Variants in TPGS2 observed in about 807,000 individuals in gnomAD.
TPGS2 encodes polyglutamylase subunit 2.
In TPGS2, 26 loss-of-function variants were observed where a neutral mutation model predicts 31.1. That is an observed-to-expected ratio of 0.84 (90% CI 0.61 to 1.16). TPGS2 has a LOEUF of 1.16. Ranked by LOEUF, TPGS2 falls within the 50% of genes most tolerant of loss-of-function variation. The pLI is 0.00. For missense variants in TPGS2, 351 were observed against 363.8 expected (o/e 0.96, Z 0.29); for synonymous variants, 130 against 136.6 (o/e 0.95, Z 0.34).
chr18:36,789,415 AT>A (rs1451513389), downstream of TPGS2: 1 of 152,198 alleles, frequency 6.6e-6, no homozygotes, highest in African/African-American at 2.4e-5. Flanking sequence ...TGATTACTGA[AT>A]ACTTGAAATG....
intron 2 of TPGS2, among the ~76,000 whole-genome samples, chr18:36,813,245 G>A (rs920562569): frequency 1.3e-5 from 2 of 152,212 alleles, no homozygotes; most frequent in East Asian, 3.9e-4. Context: ...CTGCGAGGAA[G>A]GAAAAGATCA....
At chr18:36,814,313 G>C (rs1369848381) in intron 2 of TPGS2, among the ~76,000 whole-genome samples, 1 of 152,216 alleles carries the variant, frequency 6.6e-6, no homozygotes, top group Non-Finnish European at 1.5e-5. Flanking sequence ...AAGGCAGGTA[G>C]CAGGCACAAT....
chr18:36,792,027 CAAA>C (rs754114446), downstream of TPGS2, among the ~76,000 whole-genome samples: 31 of 83,952 alleles, frequency 3.7e-4, no homozygotes, highest in African/African-American at 9.3e-4. Context: ...GACCCTGTCT[CAAA>C]AAAAAAAAAA....
In TPGS2 at chr18:36,828,744, CG is replaced by C. The variant is rs1314163771; in HGVS notation, c.23del (p.Pro8ArgfsTer13). On this transcript the variant is annotated frameshift_variant, in exon 1 of 7. Coordinates refer to ENST00000334295, the MANE Select transcript of TPGS2 (RefSeq NM_015476.4). LOFTEE classifies it high-confidence loss of function. Reference protein sequence around the residue: MEEEASSPGLGCSKPHLE... With the variant: MEEEASSXGLGCSKPHLE... Reference sequence around the variant, plus strand: ...GGTGCGGCTTGCTGCAGCCCAGCCCCGGGGACGATGCCTCCTCCTCCATGGC... The same window carrying C: ...GGTGCGGCTTGCTGCAGCCCAGCCCCGGGACGATGCCTCCTCCTCCATGGC... 1 of 1,613,860 alleles carries C rather than the reference CG, an allele frequency of 6.2e-7. No individual in the cohort carries two copies.
At chr18:36,810,121 C>T (rs1009432282) in intron 2 of TPGS2, among the ~76,000 whole-genome samples, 2 of 152,238 alleles carry the variant, frequency 1.3e-5, no homozygotes, top group South Asian at 2.1e-4. Context: ...AAACGACTAG[C>T]GGCCCTGACT....
chr18:36,793,663 T>G (rs551441110), downstream of TPGS2, among the ~76,000 whole-genome samples: 2 of 152,348 alleles, frequency 1.3e-5, no homozygotes, highest in South Asian at 2.1e-4. Flanking sequence ...GCATACAGTA[T>G]GTAAACATAA....
At chr18:36,814,320 C>A (rs2045560265) in intron 2 of TPGS2, among the ~76,000 whole-genome samples, 2 of 152,224 alleles carry the variant, frequency 1.3e-5, no homozygotes, top group Middle Eastern at 3.4e-3. Context: ...GTAGCAGGCA[C>A]AATGAACATG....
chr18:36,802,274 G>A (rs2044856783), intron 4 of TPGS2, among the ~76,000 whole-genome samples: 1 of 152,190 alleles, frequency 6.6e-6, no homozygotes. Flanking sequence ...ACTGAGGTCT[G>A]CCCTCAGTTG....
Position 36,803,044 on chromosome 18 carries a change from C to T in TPGS2, c.382+2330G>A, listed in dbSNP as rs559933446. Among the ~76,000 whole-genome samples, 15 of 152,068 alleles carry T rather than the reference C, an allele frequency of 9.9e-5. No individual in the cohort carries two copies. The East Asian group carries it at 1.9e-3, about 20-fold the overall frequency. ...ATTTATATATTGATGGAGAACAACACGCTATTTTAAGATGTATATGCATTG... is the reference window on the plus strand; with the variant it reads ...ATTTATATATTGATGGAGAACAACATGCTATTTTAAGATGTATATGCATTG... On this transcript the variant is annotated intron_variant, in intron 4 of 6. Transcript: ENST00000334295.
At chr18:36,802,502 A>G (rs2044873161) in intron 4 of TPGS2, among the ~76,000 whole-genome samples, 1 of 151,872 alleles carries the variant, frequency 6.6e-6, no homozygotes, top group Non-Finnish European at 1.5e-5. Context: ...TTTTTTTCAA[A>G]TCTACAATGT....
downstream of TPGS2, chr18:36,789,574 G>A (rs771707901): frequency 2.0e-5 from 3 of 152,086 alleles, no homozygotes; most frequent in Non-Finnish European, 4.4e-5. Context: ...ATTTAGTTTT[G>A]TATAAAATTG....
rs1309178140 is a variant in TPGS2, at chr18:36,800,299, T to G, written c.395A>C (p.Gln132Pro). 3 of 1,614,198 alleles carry G rather than the reference T, an allele frequency of 1.9e-6. No homozygotes were observed. In the South Asian group the frequency reaches 3.3e-5, roughly 18 times the overall value. Residue 132 changes from glutamine (Q) to proline (P), a missense_variant, in exon 5 of 7, where the codon CAG (glutamine) becomes CCG (proline). Physicochemically the swap from Gln to Pro is moderately conservative, Grantham distance 76 (BLOSUM62 -1). Transcript: ENST00000334295. ...AGAGTCAAAGTGAGGCTTCTCTGGC[T>G]GATCATCACTGGCTGCAAACCCAGA... ...EDDTHEASDD[Q>P]PEKPHFDSRS...
At chr18:36,812,948 T>G (rs994719679) in intron 2 of TPGS2, among the ~76,000 whole-genome samples, 4 of 152,002 alleles carry the variant, frequency 2.6e-5, no homozygotes, top group African/African-American at 9.7e-5. Context: ...TGTTGCGGAG[T>G]AACAGGAGAG....
intron 1 of TPGS2, among the ~76,000 whole-genome samples, chr18:36,822,560 A>G (rs2045941410): frequency 6.6e-6 from 1 of 152,188 alleles, no homozygotes; most frequent in Non-Finnish European, 1.5e-5. Flanking sequence ...TTTGTGAGTC[A>G]GGTTTAAATC....
downstream of TPGS2, among the ~76,000 whole-genome samples, chr18:36,782,769 T>G (rs1184585095): frequency 6.6e-6 from 1 of 152,214 alleles, no homozygotes; most frequent in African/African-American, 2.4e-5. Context: ...TGCCGCTTCC[T>G]TGCCTGCCCT....
chr18:36,782,907 C>G, downstream of TPGS2: 1 of 392,172 alleles, frequency 2.5e-6, no homozygotes, highest in Non-Finnish European at 4.5e-6. Context: ...CTTGCCACTT[C>G]TCTCTTTTTT....
downstream of TPGS2, among the ~76,000 whole-genome samples, chr18:36,793,887 G>A (rs1453663946): frequency 6.6e-5 from 10 of 151,838 alleles, no homozygotes; most frequent in African/African-American, 1.9e-4. Flanking sequence ...ACAGGCGCCC[G>A]CCACCACGCC....
At chr18:36,791,902 T>C (rs566180186), downstream of TPGS2, among the ~76,000 whole-genome samples, 16 of 151,858 alleles carry the variant, frequency 1.1e-4, no homozygotes, top group Admixed American at 4.6e-4. Flanking sequence ...AGGTGGCGTG[T>C]GCCTCTGGTC....
downstream of TPGS2, chr18:36,781,764 G>T: frequency 1.0e-6 from 1 of 985,412 alleles, no homozygotes; most frequent in Non-Finnish European, 1.2e-6. Context: ...AGGCCTCTGT[G>T]CCTGTGTTCC....
Sources: gnomAD v4.1 joint callset for allele counts (sites outside exome capture counted in the v4.1 genomes callset) on GRCh38, gnomAD v4.1.1 for gene constraint, MANE v1.5 for transcripts, NCBI Gene and HGNC (gene_info 2026-07-23, HGNC 2026-07-21) for gene names.